DHX40: variants seen among roughly 807,000 people sequenced by gnomAD.
DHX40 encodes DEAH-box helicase 40.
In DHX40, 28 loss-of-function variants were observed where a neutral mutation model predicts 89.6. The observed-to-expected ratio is 0.31, with a 90% CI of 0.23 to 0.43. The LOEUF is 0.43. Among genes scored for constraint, DHX40 ranks in the 20% least tolerant of loss-of-function variants. The pLI is 1.00. For missense variants in DHX40, 457 were observed against 844.0 expected (o/e 0.54, Z 5.68); for synonymous variants, 226 against 283.6 (o/e 0.80, Z 2.04).
chr17:59,566,369 C>G (rs1348253535), intron 1 of DHX40, among the ~76,000 whole-genome samples: 3 of 152,206 alleles, frequency 2.0e-5, no homozygotes, highest in African/African-American at 7.2e-5. Context: ...GCTATACTTG[C>G]TTTGAAAAGT....
In DHX40 at chr17:59,607,679, CTGTT is replaced by C. The variant is rs2030947554; in HGVS notation, c.*509_*512del. 5.9e-6 allele frequency: 1 copy of C among 169,376 alleles called. No individual in the cohort carries two copies. The highest frequency in any genetic ancestry group is 2.4e-5 in the African/African-American group (1 of 41,996). The allele number at this position is 169,376 out of a possible 1,614,324, so 10.5% of individuals were successfully genotyped here. A position where few individuals can be genotyped will look rare whatever the true frequency, so the allele number is the denominator to read the frequency against. The stretch of plus-strand genomic sequence containing the variant: ...TACTCAGCAATACTTAGATGTCTAA[CTGTT>C]TAATTGCTACAGAGCTTTATAGATA... On this transcript the variant is annotated 3_prime_UTR_variant, in exon 18 of 18. Coordinates refer to ENST00000251241, the MANE Select transcript of DHX40 (RefSeq NM_024612.5).
intron 15 of DHX40, chr17:59,604,832 GT>G (rs1282188575): frequency 1.3e-5 from 4 of 312,728 alleles, no homozygotes; most frequent in Admixed American, 4.4e-5. Flanking sequence ...TTTTAATAAA[GT>G]TCCTGGCTCT....
chr17:59,602,399 C>G, intron 14 of DHX40, 123 bp from the exon 15 acceptor site: 1 of 777,656 alleles, frequency 1.3e-6, no homozygotes, highest in Non-Finnish European at 1.9e-6. Flanking sequence ...AAGGGTAAAT[C>G]TGGTCTCTCT....
At chr17:59,596,485 T>G (rs2030084804) in intron 12 of DHX40, among the ~76,000 whole-genome samples, 2 of 152,182 alleles carry the variant, frequency 1.3e-5, no homozygotes, top group African/African-American at 4.8e-5. Context: ...GGAGAGTCCC[T>G]TGAACTTGGG....
At chr17:59,602,748 G>A (rs996766251) in intron 15 of DHX40, 132 bp downstream of exon 15, 8 of 799,224 alleles carry the variant, frequency 1.0e-5, no homozygotes, top group Middle Eastern at 3.0e-4. Flanking sequence ...TTACAGTGAC[G>A]AGGGAGAGCT....
At chr17:59,569,700 T>G (rs7212678) in intron 2 of DHX40, among the ~76,000 whole-genome samples, 3 of 139,412 alleles carry the variant, frequency 2.2e-5, no homozygotes, top group Non-Finnish European at 4.5e-5. Context: ...AAGAAAAAAA[T>G]ATATATATAT....
intron 12 of DHX40, among the ~76,000 whole-genome samples, chr17:59,592,308 A>G (rs916802959): frequency 5.9e-5 from 9 of 152,000 alleles, no homozygotes; most frequent in African/African-American, 1.9e-4. Context: ...ACAACCCTAT[A>G]TAACTACAGT....
chr17:59,574,653 G>A (rs1208930143), intron 6 of DHX40, among the ~76,000 whole-genome samples: 1 of 149,130 alleles, frequency 6.7e-6, no homozygotes, highest in Non-Finnish European at 1.5e-5. Flanking sequence ...ATTAAATAGT[G>A]AAATATTGTT....
At chr17:59,566,860 G>A in intron 2 of DHX40, 66 bp downstream of exon 2, 4 of 1,406,608 alleles carry the variant, frequency 2.8e-6, no homozygotes, top group Non-Finnish European at 3.8e-6. Flanking sequence ...AGGCCAGTAG[G>A]ACTTCTGTAC....
chr17:59,574,036 A>G, intron 5 of DHX40, 69 bp downstream of exon 5: 2 of 951,378 alleles, frequency 2.1e-6, no homozygotes, highest in South Asian at 1.8e-5. Context: ...GTGGTTTGAT[A>G]ATTCATTTGT....
chr17:59,595,325 C>T (rs2029964297), intron 12 of DHX40, among the ~76,000 whole-genome samples: 1 of 152,078 alleles, frequency 6.6e-6, no homozygotes, highest in Admixed American at 6.5e-5. Context: ...TCAGGTGATC[C>T]TCCTGCCTCG....
Position 59,582,380 on chromosome 17 carries a change from AGAC to A in DHX40, c.1343+2505_1343+2507del, listed in dbSNP as rs1368289284. ...TTGGGGTAGATGGTATAGGATTCAT[AGAC>A]GACAGAAAGAAAATGGATCTTCTCA... On this transcript the variant is annotated intron_variant, in intron 10 of 17. Coordinates refer to ENST00000251241, the MANE Select transcript of DHX40 (RefSeq NM_024612.5). Among the ~76,000 whole-genome samples the A allele has an allele frequency of 2.6e-4, 32 of 124,592 alleles. 9 individuals carry two copies. The highest frequency in any genetic ancestry group is 1.2e-3 in the African/African-American group (32 of 27,100). The allele number at this position is 124,592 out of a possible 152,430, so 81.7% of individuals were successfully genotyped here.
intron 12 of DHX40, among the ~76,000 whole-genome samples, chr17:59,591,942 C>T (rs1172858132): frequency 6.6e-6 from 1 of 151,856 alleles, no homozygotes; most frequent in East Asian, 1.9e-4. Flanking sequence ...GATCATGGCT[C>T]ACCGCAGCCT....
chr17:59,595,117 C>G (rs973046250), intron 12 of DHX40, among the ~76,000 whole-genome samples: 1 of 150,114 alleles, frequency 6.7e-6, no homozygotes, highest in Non-Finnish European at 1.5e-5. Flanking sequence ...GAATTTTGCT[C>G]TTGTTGCCCA....
chr17:59,602,569 A>G lies in DHX40; in HGVS notation c.1854A>G (p.Val618=). 6.2e-7 allele frequency: 1 copy of G among 1,613,988 alleles called. No individual in the cohort carries two copies. Among genetic ancestry groups the G allele is most frequent in the Non-Finnish European group, 8.5e-7 (1 of 1,179,908 alleles). Residue 618 remains valine, a synonymous_variant, in exon 15 of 18, where the codon GTA becomes GTG. Transcript: ENST00000251241. ...KETFEGPKHE[V]LRRCLCAGYF... is the part of the protein sequence containing the mutation. ...CCTTTGAAGGCCCTAAACATGAAGT[A>G]CTACGAAGATGTCTTTGTGCGGGCT...
chr17:59,577,360 A>C lies in DHX40; in HGVS notation c.1068A>C (p.Gly356=). 4 of 1,613,186 alleles carry C rather than the reference A, an allele frequency of 2.5e-6. No individual in the cohort carries two copies. The highest frequency in any genetic ancestry group is 3.4e-6 in the Non-Finnish European group (4 of 1,179,296). Residue 356 remains glycine, a synonymous_variant, in exon 8 of 18, where the codon GGA becomes GGC. Coordinates refer to ENST00000251241, the MANE Select transcript of DHX40 (RefSeq NM_024612.5). ...CTGCAACGTCTTTGACAATAGATGG[A>C]ATCAGGTAAAACTTTTGAACTTTCT... The part of the protein sequence containing the change: ...NISATSLTID[G]IRYVVDGGFV...
intron 2 of DHX40, among the ~76,000 whole-genome samples, chr17:59,570,195 TATATTATAA>T (rs2048781500): frequency 8.5e-6 from 1 of 118,106 alleles, no homozygotes; most frequent in African/African-American, 3.9e-5. Flanking sequence ...TAATATATAA[TATATTATAA>T]TATATATTAT....
In DHX40 at chr17:59,566,812, T is replaced by A; in HGVS notation, c.280+18T>A. On this transcript the variant is annotated intron_variant, in intron 2 of 17. Coordinates refer to ENST00000251241, the MANE Select transcript of DHX40 (RefSeq NM_024612.5). ...TGAAGCAGGTGATTTTTTTCTGTTG[T>A]AATAATTGGAAATATTTTAAAAATA... 6.4e-7 allele frequency: 1 copy of A among 1,554,624 alleles called. No homozygotes were observed. The highest frequency in any genetic ancestry group is 8.6e-7 in the Non-Finnish European group (1 of 1,157,980).
At chr17:59,576,404 C>G (rs2048882552) in intron 7 of DHX40, among the ~76,000 whole-genome samples, 1 of 151,502 alleles carries the variant, frequency 6.6e-6, no homozygotes, top group African/African-American at 2.4e-5. Context: ...GGAAATTAAC[C>G]TTAGCCTCCT....
Sources: gnomAD v4.1 joint callset for allele counts (sites outside exome capture counted in the v4.1 genomes callset) on GRCh38, gnomAD v4.1.1 for gene constraint, MANE v1.5 for transcripts, NCBI Gene and HGNC (gene_info 2026-07-23, HGNC 2026-07-21) for gene names.